SMC2: variants seen among roughly 807,000 people sequenced by gnomAD.
SMC2 encodes structural maintenance of chromosomes protein 2.
In SMC2, 41 loss-of-function variants were observed where a neutral mutation model predicts 142.6. The observed-to-expected ratio is 0.29, with a 90% CI of 0.22 to 0.37. The LOEUF is 0.37. SMC2 is among the 10% of genes least tolerant of loss of function. The pLI is 1.00. For missense variants in SMC2, 1,265 were observed against 1,373.7 expected (o/e 0.92, Z 1.25); for synonymous variants, 463 against 457.5 (o/e 1.01, Z -0.15).
intron 7 of SMC2, 24 bp from the exon 8 acceptor site, chr9:104,101,936 C>A (rs780458372): frequency 2.1e-6 from 3 of 1,402,700 alleles, no homozygotes; most frequent in South Asian, 2.6e-5. Context: ...TTGAGTTATT[C>A]TTTTTTTGTG....
chr9:104,129,883 A>T (rs1402579538), intron 21 of SMC2, 38 bp downstream of exon 21: 1 of 1,504,668 alleles, frequency 6.6e-7, no homozygotes, highest in African/African-American at 1.4e-5. Context: ...CCGCATTAGA[A>T]CATGACTAGC....
In SMC2 at chr9:104,139,419, T is replaced by C; in HGVS notation, c.*104T>C. 1 of 885,424 alleles carries C rather than the reference T, an allele frequency of 1.1e-6. No individual in the cohort carries two copies. Among genetic ancestry groups the C allele is most frequent in the Non-Finnish European group, 1.7e-6 (1 of 595,016 alleles). 54.8% of individuals were successfully genotyped at this position (885,424 alleles called of 1,614,324 possible). A position where few individuals can be genotyped will look rare whatever the true frequency, so the allele number is the denominator to read the frequency against. ...TATACAAAAATTAATGTTACTGTGTTACTTAACCCATGTTTTCTCTTTATA... is the reference window on the plus strand; with the variant it reads ...TATACAAAAATTAATGTTACTGTGTCACTTAACCCATGTTTTCTCTTTATA... On this transcript the variant is annotated 3_prime_UTR_variant, in exon 25 of 25. Coordinates refer to ENST00000374793, the MANE Select transcript of SMC2 (RefSeq NM_006444.3).
Position 104,138,143 on chromosome 9 carries a change from G to T in SMC2, c.3395G>T (p.Arg1132Leu). ...ACCCAAAACATTGGACAGATGCTGCGTACTCATTTCACACATTCTCAGGTA... is the reference window on the plus strand; with the variant it reads ...ACCCAAAACATTGGACAGATGCTGCTTACTCATTTCACACATTCTCAGGTA... The part of the protein sequence containing the change: ...SHTQNIGQML[R>L]THFTHSQFIV... The change falls in exon 24 of 25, where the codon CGT (arginine) becomes CTT (leucine). Residue 1132 changes from arginine (R) to leucine (L), a missense_variant. Physicochemically the swap from Arg to Leu is moderately radical, Grantham distance 102 (BLOSUM62 -2). Coordinates refer to ENST00000374793, the MANE Select transcript of SMC2 (RefSeq NM_006444.3). The T allele has an allele frequency of 1.9e-6, 3 of 1,604,016 alleles. No homozygotes were observed. Among genetic ancestry groups the T allele is most frequent in the Non-Finnish European group, 1.7e-6 (2 of 1,173,640 alleles).
intron 14 of SMC2, among the ~76,000 whole-genome samples, chr9:104,117,895 G>T (rs112411825): frequency 0.057 from 8,643 of 152,162 alleles, 659 homozygotes; most frequent in African/African-American, 0.18. Flanking sequence ...TAGAAACATG[G>T]TAATGGCTCC....
rs1271455309 is a variant in SMC2 at position 104,111,796 on chromosome 9, T to C, written c.1236T>C (p.Ala412=). Residue 412 remains alanine (A), a synonymous_variant, in exon 10 of 25, where the codon GCT becomes GCC. Coordinates refer to ENST00000374793, the MANE Select transcript of SMC2 (RefSeq NM_006444.3). ...MMACKNDISK[A]QTEAKQAQMK... is the part of the protein sequence containing the mutation. ...CCTGTAAAAATGATATAAGTAAAGCTCAGACAGAAGCCAAACAGGTAAATA... is the reference window on the plus strand; with the variant it reads ...CCTGTAAAAATGATATAAGTAAAGCCCAGACAGAAGCCAAACAGGTAAATA... 2 of 1,613,262 alleles carry C rather than the reference T, an allele frequency of 1.2e-6. No individual in the cohort carries two copies. The highest frequency in any genetic ancestry group is 2.2e-5 in the South Asian group (2 of 91,000).
At chr9:104,106,704 T>C (rs1288137594) in intron 9 of SMC2, among the ~76,000 whole-genome samples, 12 of 152,054 alleles carry the variant, frequency 7.9e-5, no homozygotes. Flanking sequence ...ACATAGGGGA[T>C]TTTTTTTAGC....
upstream of SMC2, among the ~76,000 whole-genome samples, chr9:104,094,000 G>T (rs1022491023): frequency 6.6e-6 from 1 of 152,228 alleles, no homozygotes; most frequent in Non-Finnish European, 1.5e-5. Context: ...AGTCTGCAGT[G>T]TGCCTAACGC....
chr9:104,091,042 C>A (rs1001370269), upstream of SMC2, among the ~76,000 whole-genome samples: 1 of 152,122 alleles, frequency 6.6e-6, no homozygotes, highest in Non-Finnish European at 1.5e-5. Context: ...CTTTTCTATT[C>A]CTCATTTTAA....
Position 104,138,014 on chromosome 9 carries a change from T to G in SMC2, c.3270-4T>G, listed in dbSNP as rs373050781. ...TTATGGCTTTTCTTCTGACCTTTTC[T>G]TAGGTCTTTAGTGGCCTTGTCATTA... is the stretch of plus-strand genomic sequence containing the variant. On this transcript the variant is annotated splice_polypyrimidine_tract_variant and splice_region_variant and intron_variant, in intron 23 of 24. Transcript: ENST00000374793. 1.3e-6 allele frequency: 2 copies of G among 1,557,840 alleles called. No individual in the cohort carries two copies. Among genetic ancestry groups the G allele is most frequent in the Non-Finnish European group, 8.7e-7 (1 of 1,148,266 alleles).
Position 104,102,307 on chromosome 9 carries a change from TTATAG to T in SMC2, c.871-114_871-110del, listed in dbSNP as rs1381693508. On this transcript the variant is annotated intron_variant, in intron 8 of 24. Transcript: ENST00000374793. ...TGTCTTCCGTATTGATTTGTTAATC[TTATAG>T]TAAGATAATGAAATAACTTATAAAA... 5 of 1,115,510 alleles carry T rather than the reference TTATAG, an allele frequency of 4.5e-6. No individual in the cohort carries two copies. In the African/African-American group the frequency reaches 4.8e-5, roughly 11 times the overall value. 69.1% of individuals were successfully genotyped at this position (1,115,510 alleles called of 1,614,324 possible). A position where few individuals can be genotyped will look rare whatever the true frequency, so the allele number is the denominator to read the frequency against.
intron 16 of SMC2, among the ~76,000 whole-genome samples, chr9:104,121,681 T>C (rs1833754596): frequency 6.6e-6 from 1 of 152,216 alleles, no homozygotes; most frequent in South Asian, 2.1e-4. Flanking sequence ...ATTTCTGTAG[T>C]TATGAAAGCT....
At chr9:104,124,828 C>A in intron 17 of SMC2, 84 bp from the exon 18 acceptor site, 1 of 1,035,654 alleles carries the variant, frequency 9.7e-7, no homozygotes, top group Non-Finnish European at 1.4e-6. Context: ...CTGTAATTTT[C>A]CAAACCATTT....
rs1157017425 is a variant in SMC2 at position 104,095,601 on chromosome 9, T to C, written c.168+49T>C. 3 of 1,475,928 alleles carry C rather than the reference T, an allele frequency of 2.0e-6. No homozygotes were observed. In the East Asian group the frequency reaches 6.8e-5, roughly 33 times the overall value. 91.4% of individuals were successfully genotyped at this position (1,475,928 alleles called of 1,614,324 possible). A position where few individuals can be genotyped will look rare whatever the true frequency, so the allele number is the denominator to read the frequency against. On this transcript the variant is annotated intron_variant, in intron 2 of 24. Coordinates refer to ENST00000374793, the MANE Select transcript of SMC2 (RefSeq NM_006444.3). ...ATTTGAATTTAAGTTGGCAGGAGAA[T>C]CCTCACTGAACTTTGGAGACGTCCC... is the stretch of plus-strand genomic sequence containing the variant.
chr9:104,113,448 G>A lies in SMC2; in HGVS notation c.1387G>A (p.Ala463Thr). Residue 463 changes from alanine (A) to threonine (T), a missense_variant, in exon 11 of 25, where the codon GCT becomes ACT. Ala to Thr is a moderately conservative substitution (Grantham distance 58, BLOSUM62 0). Around this residue, in one of 4 missense-constraint regions of SMC2, gnomAD observed 898 missense variants for 904.2 expected, o/e 0.99. Coordinates refer to ENST00000374793, the MANE Select transcript of SMC2 (RefSeq NM_006444.3). ...AAAAAGACTTAAAGAAAAACTTGAA[G>A]CTGAAATGAAAAAGCTAAATTATGA... Reference protein sequence around the residue: ...AVKRLKEKLEAEMKKLNYEEN... With the variant: ...AVKRLKEKLETEMKKLNYEEN... The A allele has an allele frequency of 1.3e-6, 2 of 1,599,136 alleles. No homozygotes were observed. Among genetic ancestry groups the A allele is most frequent in the Non-Finnish European group, 1.7e-6 (2 of 1,174,038 alleles).
chr9:104,127,265 T>G, intron 19 of SMC2, 21 bp from the exon 20 acceptor site: 1 of 1,526,264 alleles, frequency 6.6e-7, no homozygotes, highest in Non-Finnish European at 8.8e-7. Flanking sequence ...CCACATATTT[T>G]CTTTAATTTT....
At chr9:104,109,807 CTA>C (rs1171758653) in intron 9 of SMC2, among the ~76,000 whole-genome samples, 2 of 152,128 alleles carry the variant, frequency 1.3e-5, no homozygotes, top group South Asian at 4.1e-4. Context: ...AGGTACTAGT[CTA>C]TTTTATCATT....
intron 13 of SMC2, 82 bp from the exon 14 acceptor site, chr9:104,116,114 CATTT>C: frequency 2.5e-6 from 3 of 1,179,638 alleles, no homozygotes; most frequent in Non-Finnish European, 3.5e-6. Context: ...ACTAAACATT[CATTT>C]ATTATAGACT....
intron 3 of SMC2, among the ~76,000 whole-genome samples, chr9:104,097,129 T>C (rs559132669): frequency 6.8e-6 from 1 of 148,022 alleles, no homozygotes; most frequent in South Asian, 2.2e-4. Context: ...GTTTTTTTTT[T>C]TTTTTTTTTT....
At chr9:104,118,663 A>T (rs1833394260) in intron 15 of SMC2, among the ~76,000 whole-genome samples, 1 of 151,922 alleles carries the variant, frequency 6.6e-6, no homozygotes, top group Non-Finnish European at 1.5e-5. Context: ...ACAATAGAAT[A>T]ACAAACACTG....
Sources: gnomAD v4.1 joint callset for allele counts (sites outside exome capture counted in the v4.1 genomes callset) on GRCh38, gnomAD v4.1.1 for gene constraint, gnomAD v4.1.1 regional missense constraint, MANE v1.5 for transcripts, NCBI Gene and HGNC (gene_info 2026-07-23, HGNC 2026-07-21) for gene names.